USP22: variants seen among roughly 807,000 people sequenced by gnomAD.
USP22 encodes ubiquitin specific peptidase 22.
USP22 carries 22 observed loss-of-function variants against 68.1 expected under a neutral mutation model. That is an observed-to-expected ratio of 0.32 (90% confidence interval 0.23 to 0.46). The LOEUF (loss-of-function observed/expected upper bound fraction) is 0.46. Ranked by LOEUF, USP22 falls within the 20% of genes least tolerant of loss-of-function variation. The probability of loss-of-function intolerance (pLI) is 1.00; values close to 1 mark genes in which losing one functional copy is unlikely to be tolerated. For synonymous variants in USP22, 279 were observed against 274.2 expected, an observed-to-expected ratio of 1.02 and a Z score of -0.17; for missense variants, 433 against 695.8, an observed-to-expected ratio of 0.62 and a Z score of 4.25.
chr17:21,042,361 A>C, intron 1 of USP22: 1 of 101,628 alleles, frequency 9.8e-6, no homozygotes. Context: ...GAGAGAAAGG[A>C]GGGGGAGGGG....
chr17:21,011,448 AGCAAGAGCAGCAGT>A (rs1913967730), intron 7 of USP22, 139 bp from the exon 8 acceptor site: 1 of 1,129,724 alleles, frequency 8.9e-7, no homozygotes, highest in Non-Finnish European at 1.3e-6. Context: ...ATGGGGCAGG[AGCAAGAGCAGCAGT>A]GCTCACACCC....
rs8075610 is a variant in USP22 at position 21,007,307 on chromosome 17, A to T, written c.1231-320T>A. 4.4e-3 allele frequency among the ~76,000 whole-genome samples: 670 copies of T among 152,350 alleles called. 7 individuals are homozygous for T. Among genetic ancestry groups the T allele is most frequent in the African/African-American group, 0.015 (634 of 41,574 alleles). On this transcript the variant is annotated intron_variant, in intron 9 of 12. Transcript: ENST00000261497. ...GTGGCCCATGGCAGCAAAAATGAAC[A>T]AATTGTTCCTTTCACCAGACAGAAG...
chr17:21,040,035 C>G (rs940740871), intron 1 of USP22, among the ~76,000 whole-genome samples: 1 of 152,068 alleles, frequency 6.6e-6, no homozygotes, highest in African/African-American at 2.4e-5. Context: ...ACTGTCTCTA[C>G]AAATATTAGC....
intron 8 of USP22, among the ~76,000 whole-genome samples, chr17:21,010,722 C>T (rs1913937175): frequency 6.6e-6 from 1 of 151,444 alleles, no homozygotes; most frequent in South Asian, 2.1e-4. Context: ...TGAAGCAGTA[C>T]ATGCACAATT....
At chr17:21,037,283 G>A (rs954812910) in intron 1 of USP22, among the ~76,000 whole-genome samples, 1 of 152,210 alleles carries the variant, frequency 6.6e-6, no homozygotes, top group African/African-American at 2.4e-5. Flanking sequence ...CCTCAAGGAG[G>A]AGGAACAGAA....
intron 6 of USP22, chr17:21,015,520 G>A (rs2143560653): frequency 1.9e-6 from 1 of 536,744 alleles, no homozygotes; most frequent in African/African-American, 2.0e-5. Flanking sequence ...CTGAGGACCT[G>A]TCATACTGCT....
chr17:21,015,551 T>G, intron 6 of USP22: 1 of 700,746 alleles, frequency 1.4e-6, no homozygotes, highest in Non-Finnish European at 2.2e-6. Context: ...CCTCGCCTCT[T>G]AAAAATAAAC....
chr17:21,010,704 AT>A (rs938546945), intron 8 of USP22, among the ~76,000 whole-genome samples: 1 of 151,870 alleles, frequency 6.6e-6, no homozygotes, highest in Admixed American at 6.6e-5. Flanking sequence ...ATTATTACTT[AT>A]CCCAAATGAA....
Position 21,021,231 on chromosome 17 carries a change from G to A in USP22, c.305-5C>T, listed in dbSNP as rs1555530003. ...CTCCGTACATCAGATCAATGGCTGA[G>A]GAGAGAAAGGAGGGAGGAGAAACCA... On this transcript the variant is annotated splice_polypyrimidine_tract_variant and splice_region_variant and intron_variant, in intron 2 of 12. Coordinates refer to ENST00000261497, the MANE Select transcript of USP22 (RefSeq NM_015276.2). 6.3e-7 allele frequency: 1 copy of A among 1,588,798 alleles called. No homozygotes were observed. The highest frequency in any genetic ancestry group is 2.2e-5 in the East Asian group (1 of 44,802).
chr17:21,040,641 C>G (rs538419457), intron 1 of USP22, among the ~76,000 whole-genome samples: 20 of 151,540 alleles, frequency 1.3e-4, no homozygotes, highest in Admixed American at 3.3e-4. Context: ...GGAAATTAGG[C>G]AAAGTTAGTT....
At chr17:21,019,039 C>A in intron 4 of USP22, 45 bp downstream of exon 4, 1 of 1,591,316 alleles carries the variant, frequency 6.3e-7, no homozygotes, top group Non-Finnish European at 8.6e-7. Flanking sequence ...TACTTTTAAA[C>A]CCTGGAAAGA....
intron 2 of USP22, among the ~76,000 whole-genome samples, chr17:21,022,381 AAAAAT>A (rs780443539): frequency 2.8e-4 from 42 of 152,312 alleles, no homozygotes; most frequent in South Asian, 4.1e-4. Context: ...AAAAAGTCAA[AAAAAT>A]AAAATAAAAT....
intron 3 of USP22, among the ~76,000 whole-genome samples, chr17:21,020,810 C>T (rs773716218): frequency 5.9e-5 from 9 of 152,152 alleles, no homozygotes; most frequent in Non-Finnish European, 1.2e-4. Flanking sequence ...CCTGGGAGAG[C>T]TTAAGTAATG....
chr17:21,010,381 AT>A (rs907069941), intron 8 of USP22, among the ~76,000 whole-genome samples: 56 of 151,812 alleles, frequency 3.7e-4, no homozygotes, highest in Non-Finnish European at 5.9e-4. Context: ...ACTTAAATAC[AT>A]TTTTTTTTAA....
At chr17:21,025,091 T>A (rs185552932) in intron 2 of USP22, among the ~76,000 whole-genome samples, 14 of 152,178 alleles carry the variant, frequency 9.2e-5, no homozygotes, top group Admixed American at 7.2e-4. Flanking sequence ...AAATCATACA[T>A]CTGCTCAGAG....
intron 3 of USP22, among the ~76,000 whole-genome samples, chr17:21,020,881 G>A (rs576154178): frequency 6.6e-6 from 1 of 152,300 alleles, no homozygotes; most frequent in African/African-American, 2.4e-5. Flanking sequence ...GAAGCACCCT[G>A]GAAGTGGTCC....
chr17:21,005,160 C>A (rs1913740715), intron 10 of USP22, 170 bp from the exon 11 acceptor site: 1 of 782,636 alleles, frequency 1.3e-6, no homozygotes, highest in Non-Finnish European at 2.0e-6. Flanking sequence ...CACTGACGCT[C>A]AAGCTGTGGA....
intron 1 of USP22, among the ~76,000 whole-genome samples, chr17:21,035,985 C>A (rs146268285): frequency 0.011 from 1,443 of 137,380 alleles, 26 homozygotes; most frequent in African/African-American, 0.038. Flanking sequence ...GAGCCGAGAT[C>A]GCACCACTGC....
intron 3 of USP22, 69 bp downstream of exon 3, chr17:21,021,044 A>C: frequency 7.8e-7 from 1 of 1,284,248 alleles, no homozygotes; most frequent in Admixed American, 1.8e-5. Context: ...TCTTTCTCCT[A>C]CTGGGTCTGC....
Sources: gnomAD v4.1 joint callset for allele counts (sites outside exome capture counted in the v4.1 genomes callset) on GRCh38, gnomAD v4.1.1 for gene constraint, MANE v1.5 for transcripts, NCBI Gene and HGNC (gene_info 2026-07-23, HGNC 2026-07-21) for gene names.